ESRRB: variants seen among roughly 807,000 people sequenced by gnomAD.
The protein encoded by ESRRB is steroid hormone receptor ERR2.
Under a neutral mutation model 46.0 loss-of-function variants are expected in ESRRB, and 16 were observed. The observed-to-expected ratio is 0.35, with a 90% confidence interval of 0.24 to 0.53. The LOEUF (loss-of-function observed/expected upper bound fraction) is 0.53, where lower values mean the gene tolerates loss of function less well. ESRRB is among the 20% of genes least tolerant of loss of function. The probability of loss-of-function intolerance (pLI) is 0.93; values close to 1 mark genes in which losing one functional copy is unlikely to be tolerated. For synonymous variants in ESRRB, 246 were observed against 259.6 expected (o/e 0.95, Z 0.50); for missense variants, 488 against 607.4 (o/e 0.80, Z 2.07).
In ESRRB at chr14:76,491,715, C is replaced by G; in HGVS notation, c.1119C>G (p.Ser373=). ...TCAAGGCCCTGGCCCTCGCCAACTC[C>G]GGTAAGGGCGGCGGCGGGGCCTGGA... ...VTLKALALAN[S]DSMYIEDLEA... Residue 373 remains serine, a splice_region_variant and synonymous_variant, in exon 6 of 7, where the codon TCC becomes TCG. Transcript: ENST00000644823. 2 of 1,575,382 alleles carry G rather than the reference C, an allele frequency of 1.3e-6. No homozygotes were observed. The highest frequency in any genetic ancestry group is 1.7e-6 in the Non-Finnish European group (2 of 1,161,900).
intron 1 of ESRRB, among the ~76,000 whole-genome samples, chr14:76,344,340 G>T (rs918951386): frequency 7.9e-5 from 12 of 152,078 alleles, no homozygotes; most frequent in African/African-American, 2.9e-4. Flanking sequence ...ATTCTTTAGT[G>T]GTGATTTGTG....
At chr14:76,401,181 G>T (rs1446166689) in intron 1 of ESRRB, among the ~76,000 whole-genome samples, 9 of 152,230 alleles carry the variant, frequency 5.9e-5, no homozygotes, top group African/African-American at 2.2e-4. Flanking sequence ...GAAACAGACT[G>T]GGAGTTGTCA....
chr14:76,415,709 A>G (rs571583590), intron 1 of ESRRB, among the ~76,000 whole-genome samples: 2 of 152,126 alleles, frequency 1.3e-5, no homozygotes, highest in South Asian at 2.1e-4. Flanking sequence ...GTCTCACTGT[A>G]TTGCCCAGGC....
intron 1 of ESRRB, among the ~76,000 whole-genome samples, chr14:76,355,130 G>A (rs1322465114): frequency 1.3e-5 from 2 of 152,200 alleles, no homozygotes; most frequent in African/African-American, 4.8e-5. Context: ...CTCCTCGGAT[G>A]GGTCTTTTCC....
rs943872546 is a variant in ESRRB at position 76,407,998 on chromosome 14, C to T, written c.51-31343C>T. ...CACAGACACCAGGCAGCACACAGAC[C>T]TCAGGTCACATAGGCACTGGCCAGT... On this transcript the variant is annotated intron_variant, in intron 1 of 6. Coordinates refer to ENST00000644823, the MANE Select transcript of ESRRB (RefSeq NM_001379180.1). Among the ~76,000 whole-genome samples the T allele has an allele frequency of 2.6e-5, 4 of 152,252 alleles. No individual in the cohort carries two copies. In the South Asian group the frequency reaches 8.3e-4, roughly 32 times the overall value.
upstream of ESRRB, among the ~76,000 whole-genome samples, chr14:76,372,105 T>A (rs1884639423): frequency 6.6e-6 from 1 of 152,126 alleles, no homozygotes; most frequent in African/African-American, 2.4e-5. Context: ...ACTGCTCTAG[T>A]GACCCTTGAG....
chr14:76,465,177 A>G (rs193118407), intron 3 of ESRRB, among the ~76,000 whole-genome samples: 21 of 152,122 alleles, frequency 1.4e-4, no homozygotes, highest in Admixed American at 1.3e-3. Context: ...CTGGGGTGAG[A>G]TGACTCCTAC....
exon 1 of ESRRB, chr14:76,310,913 G>A (rs1277403035): frequency 8.8e-6 from 4 of 453,814 alleles, no homozygotes; most frequent in East Asian, 7.0e-5. Context: ...CCAGCCCCAA[G>A]CATGTGAGTA....
chr14:76,332,280 G>A (rs575294969), intron 1 of ESRRB, among the ~76,000 whole-genome samples: 3 of 150,050 alleles, frequency 2.0e-5, no homozygotes, highest in Admixed American at 6.8e-5. Flanking sequence ...TGCAAGCCAC[G>A]TGTGTAATTT....
chr14:76,488,724 G>C (rs1238320541), intron 5 of ESRRB, among the ~76,000 whole-genome samples: 1 of 152,150 alleles, frequency 6.6e-6, no homozygotes, highest in Non-Finnish European at 1.5e-5. Context: ...CTGGGCATGT[G>C]CCTCATCAAA....
chr14:76,413,398 G>C lies in ESRRB; in HGVS notation c.51-25943G>C, dbSNP rs1230790427. The stretch of plus-strand genomic sequence containing the variant: ...TCCAGTTCCTTGGCTGTATACTGCT[G>C]TTCCCTATCTCTGTGACTTGCACAT... On this transcript the variant is annotated intron_variant, in intron 1 of 6. Coordinates refer to ENST00000644823, the MANE Select transcript of ESRRB (RefSeq NM_001379180.1). Among the ~76,000 whole-genome samples, 4 of 152,192 alleles carry C rather than the reference G, an allele frequency of 2.6e-5. No individual in the cohort carries two copies. In the East Asian group the frequency reaches 5.8e-4, roughly 22 times the overall value.
chr14:76,330,339 GAC>G (rs759400696), intron 1 of ESRRB, among the ~76,000 whole-genome samples: 1 of 152,208 alleles, frequency 6.6e-6, no homozygotes, highest in African/African-American at 2.4e-5. Flanking sequence ...CATCCCGCCT[GAC>G]ACAGTGGCAG....
At chr14:76,336,966 G>A (rs534597932) in intron 1 of ESRRB, among the ~76,000 whole-genome samples, 5 of 152,060 alleles carry the variant, frequency 3.3e-5, no homozygotes, top group Admixed American at 6.5e-5. Context: ...GATCTCCACC[G>A]CCCTTCACTA....
At chr14:76,485,120 T>C (rs1487692358) in intron 5 of ESRRB, among the ~76,000 whole-genome samples, 1 of 152,166 alleles carries the variant, frequency 6.6e-6, no homozygotes, top group Non-Finnish European at 1.5e-5. Flanking sequence ...TAAATCTGCA[T>C]GCTGAATTCT....
chr14:76,449,794 G>T (rs1328674796), intron 2 of ESRRB, among the ~76,000 whole-genome samples: 6 of 147,406 alleles, frequency 4.1e-5, no homozygotes, highest in African/African-American at 1.5e-4. Context: ...TTGGGACAGG[G>T]TCTTGCTCTG....
intron 1 of ESRRB, among the ~76,000 whole-genome samples, chr14:76,433,438 A>T (rs1409403805): frequency 6.6e-6 from 1 of 152,156 alleles, no homozygotes; most frequent in East Asian, 1.9e-4. Flanking sequence ...ATCGATACCT[A>T]ATTTTTAAAT....
chr14:76,320,603 A>G (rs373512507), intron 1 of ESRRB, among the ~76,000 whole-genome samples: 10 of 152,278 alleles, frequency 6.6e-5, no homozygotes, highest in South Asian at 2.1e-4. Flanking sequence ...TGGATGTACT[A>G]ATGAGAGAAA....
intron 1 of ESRRB, among the ~76,000 whole-genome samples, chr14:76,426,676 C>T (rs1330142605): frequency 3.3e-5 from 5 of 152,094 alleles, no homozygotes; most frequent in Non-Finnish European, 5.9e-5. Flanking sequence ...ACCCATTCAC[C>T]TTGCTCACCA....
intron 1 of ESRRB, among the ~76,000 whole-genome samples, chr14:76,358,607 A>G (rs1048978131): frequency 2.0e-5 from 3 of 152,162 alleles, no homozygotes; most frequent in Non-Finnish European, 4.4e-5. Context: ...TACTTCAATA[A>G]AAAGTTGACA....
Sources: gnomAD v4.1 joint callset for allele counts (sites outside exome capture counted in the v4.1 genomes callset) on GRCh38, gnomAD v4.1.1 for gene constraint, MANE v1.5 for transcripts, NCBI Gene and HGNC (gene_info 2026-07-23, HGNC 2026-07-21) for gene names.